PIK3CA: variants seen among roughly 807,000 people sequenced by gnomAD.
PIK3CA encodes phosphatidylinositol 4,5-bisphosphate 3-kinase catalytic subunit alpha isoform.
A neutral mutation model predicts 138.2 loss-of-function variants in PIK3CA; 27 were observed. The observed-to-expected ratio is 0.20, with a 90% CI of 0.14 to 0.27. The LOEUF is 0.27. PIK3CA is among the 10% of genes least tolerant of loss of function. The pLI is 1.00. For synonymous variants in PIK3CA, 358 were observed against 413.2 expected (o/e 0.87, Z 1.62); for missense variants, 544 against 1,277.4 (o/e 0.43, Z 8.75).
At chr3:179,192,293 G>A (rs1314484464) in intron 1 of PIK3CA, among the ~76,000 whole-genome samples, 2 of 152,216 alleles carry the variant, frequency 1.3e-5, no homozygotes, top group Non-Finnish European at 2.9e-5. Context: ...AGTATGTGAT[G>A]AGATAGAGAA....
At chr3:179,199,267 T>G (rs1375162614) in intron 2 of PIK3CA, 90 bp downstream of exon 2, 2 of 756,588 alleles carry the variant, frequency 2.6e-6, no homozygotes, top group Non-Finnish European at 4.1e-6. Flanking sequence ...AACCAATACC[T>G]TCGTAATCTT....
Position 179,210,243 on chromosome 3 carries a change from G to C in PIK3CA, c.1309G>C (p.Val437Leu), listed in dbSNP as rs772020209. 1 of 1,597,526 alleles carries C rather than the reference G, an allele frequency of 6.3e-7. No individual in the cohort carries two copies. The highest frequency in any genetic ancestry group is 1.4e-5 in the African/African-American group (1 of 73,792). The change falls in exon 8 of 21, where the codon GTA becomes CTA. Residue 437 changes from valine to leucine, a missense_variant. Around this residue, in one of 14 missense-constraint regions of PIK3CA, gnomAD observed 234 missense variants for 401.3 expected, o/e 0.58. Transcript: ENST00000263967. ...CTTGTTTGATTACACAGACACTCTA[G>C]TATCTGGAAAAATGGCTTTGAATCT... ...INLFDYTDTL[V>L]SGKMALNLWP...
At chr3:179,204,775 G>A (rs565480400) in intron 6 of PIK3CA, among the ~76,000 whole-genome samples, 187 bp downstream of exon 6, 4 of 151,594 alleles carry the variant, frequency 2.6e-5, no homozygotes, top group Admixed American at 2.6e-4. Flanking sequence ...TAATCCCAGC[G>A]CTTTGGGAGG....
At chr3:179,201,644 C>T (rs1289386950) in intron 4 of PIK3CA, 104 bp downstream of exon 4, 15 of 768,122 alleles carry the variant, frequency 2.0e-5, no homozygotes, top group South Asian at 1.0e-4. Context: ...ATCTCACTCT[C>T]GCCCAGGCTG....
chr3:179,160,827 A>G (rs528281566), intron 1 of PIK3CA, among the ~76,000 whole-genome samples: 6 of 152,236 alleles, frequency 3.9e-5, no homozygotes, highest in Non-Finnish European at 5.9e-5. Flanking sequence ...CTGTACAATC[A>G]TAGACTCTGT....
chr3:179,149,611 C>CA (rs1405531594), intron 1 of PIK3CA: 3 of 152,202 alleles, frequency 2.0e-5, no homozygotes, highest in African/African-American at 7.2e-5. Flanking sequence ...GGTGAAGCTT[C>CA]CTCATTCCAG....
intron 1 of PIK3CA, among the ~76,000 whole-genome samples, chr3:179,155,514 G>C (rs1273871963): frequency 1.3e-5 from 2 of 151,724 alleles, no homozygotes; most frequent in African/African-American, 4.8e-5. Context: ...AGTTATTTCT[G>C]TACTATGCAT....
At position 179,229,436 on chromosome 3, in the gene PIK3CA, G is replaced by A; in HGVS notation, c.2660G>A (p.Gly887Glu). Residue 887 changes from glycine (G) to glutamate (E), a missense_variant, in exon 18 of 21, where the codon GGA becomes GAA. Around this residue, in one of 14 missense-constraint regions of PIK3CA, gnomAD observed 72 missense variants for 271.8 expected, o/e 0.26. Transcript: ENST00000263967. ...LHQWLKDKNK[G>E]EIYDAAIDLF... ...CAGTGGCTCAAAGACAAGAACAAAG[G>A]AGAAATGTGAGTTGTATTATTCTTT... is the stretch of plus-strand genomic sequence containing the variant. 1 of 1,609,364 alleles carries A rather than the reference G, an allele frequency of 6.2e-7. No individual in the cohort carries two copies. Among genetic ancestry groups the A allele is most frequent in the Non-Finnish European group, 8.5e-7 (1 of 1,178,106 alleles).
At chr3:179,160,781 T>C (rs1229664346) in intron 1 of PIK3CA, among the ~76,000 whole-genome samples, 10 of 152,170 alleles carry the variant, frequency 6.6e-5, no homozygotes, top group Admixed American at 6.6e-4. Flanking sequence ...TTATACTTTA[T>C]GGATGACTTG....
rs753674566 is a variant in PIK3CA at position 179,239,035 on chromosome 3, G to A, written c.*4671G>A. The A allele has an allele frequency of 3.4e-4, 74 of 216,960 alleles. No individual in the cohort carries two copies. Among genetic ancestry groups the A allele is most frequent in the Non-Finnish European group, 6.6e-4 (71 of 108,050 alleles). The allele number at this position is 216,960 out of a possible 1,614,324, so 13.4% of individuals were successfully genotyped here. On this transcript the variant is annotated 3_prime_UTR_variant, in exon 21 of 21. Coordinates refer to ENST00000263967, the MANE Select transcript of PIK3CA (RefSeq NM_006218.4). ...TGCTAGTTAGCATAAAGTGACAGGT[G>A]TGAGCCATGAGGAAATTTTCTGACT...
intron 1 of PIK3CA, among the ~76,000 whole-genome samples, chr3:179,159,381 G>C (rs1723219244): frequency 6.6e-6 from 1 of 152,166 alleles, no homozygotes; most frequent in Admixed American, 6.5e-5. Flanking sequence ...AAGAGTTACA[G>C]CTGAAACCCA....
At chr3:179,178,889 G>A (rs549912212) in intron 1 of PIK3CA, among the ~76,000 whole-genome samples, 79 of 152,304 alleles carry the variant, frequency 5.2e-4, no homozygotes, top group Non-Finnish European at 8.5e-4. Flanking sequence ...AGGGAAGTTC[G>A]CTACAGATTC....
intron 15 of PIK3CA, among the ~76,000 whole-genome samples, 157 bp from the exon 16 acceptor site, chr3:179,224,543 C>A: frequency 6.6e-6 from 1 of 151,930 alleles, no homozygotes; most frequent in South Asian, 2.1e-4. Flanking sequence ...TTTTTTTATA[C>A]TCTTTAGGAA....
In PIK3CA at chr3:179,230,374, G is replaced by A. The variant is rs755480867; in HGVS notation, c.2934G>A (p.Glu978=). The A allele has an allele frequency of 6.3e-7, 1 of 1,593,758 alleles. No homozygotes were observed. The highest frequency in any genetic ancestry group is 1.1e-5 in the South Asian group (1 of 87,180). Residue 978 remains glutamate, a splice_region_variant and synonymous_variant, in exon 20 of 21, where the codon GAG becomes GAA. Transcript: ENST00000263967. The surrounding 1 kb of genome is among the most constrained non-coding windows in gnomAD (Gnocchi z 5.4). ...AQECTKTREF[E]RFQEMCYKAY... is the part of the protein sequence containing the mutation. ...AATGCACAAAGACAAGAGAATTTGA[G>A]AGGTGAGCTCGAGCAATTAAAAACA...
At position 179,231,495 on chromosome 3, in the gene PIK3CA, G is replaced by A. The variant is rs1725209827; in HGVS notation, c.2936+1119G>A. On this transcript the variant is annotated intron_variant, in intron 20 of 20. Coordinates refer to ENST00000263967, the MANE Select transcript of PIK3CA (RefSeq NM_006218.4). ...TGACTTTTTAATTATGGCCATTCTT[G>A]CAGGAGTAAGGTGGTATCTCATTGT... Among the ~76,000 whole-genome samples, 3 of 151,830 alleles carry A rather than the reference G, an allele frequency of 2.0e-5. No homozygotes were observed. In the South Asian group the frequency reaches 6.2e-4, roughly 32 times the overall value.
rs2108390158 is a variant in PIK3CA at position 179,201,524 on chromosome 3, C to A, written c.797C>A (p.Pro266His). 6.2e-7 allele frequency: 1 copy of A among 1,601,414 alleles called. No homozygotes were observed. Among genetic ancestry groups the A allele is most frequent in the Non-Finnish European group, 8.6e-7 (1 of 1,169,040 alleles). ...GATGAATACTTCCTAGAAAAATATC[C>A]TCTGAGTCAGTATAAGGTGAGTAAC... ...GCDEYFLEKY[P>H]LSQYKYIRSC... Residue 266 changes from proline to histidine, a missense_variant, in exon 4 of 21, where the codon CCT (proline) becomes CAT (histidine). By Grantham distance (77) the Pro-to-His change is moderately conservative. Around this residue, in one of 14 missense-constraint regions of PIK3CA, gnomAD observed 234 missense variants for 401.3 expected, o/e 0.58. Coordinates refer to ENST00000263967, the MANE Select transcript of PIK3CA (RefSeq NM_006218.4).
chr3:179,195,932 A>G (rs759227804), intron 1 of PIK3CA, among the ~76,000 whole-genome samples: 8 of 152,202 alleles, frequency 5.3e-5, no homozygotes, highest in Non-Finnish European at 1.2e-4. Flanking sequence ...ACCATCTGAC[A>G]AATAAAAAAG....
intron 1 of PIK3CA, among the ~76,000 whole-genome samples, chr3:179,161,635 T>G: frequency 6.6e-6 from 1 of 152,174 alleles, no homozygotes; most frequent in East Asian, 1.9e-4. Context: ...AGTTGGAGGT[T>G]GCGGTGAGCT....
chr3:179,148,545 C>G lies in PIK3CA; in HGVS notation c.-135C>G, dbSNP rs1722915707. On this transcript the variant is annotated 5_prime_UTR_variant, in exon 1 of 21. Coordinates refer to ENST00000263967, the MANE Select transcript of PIK3CA (RefSeq NM_006218.4). The stretch of plus-strand genomic sequence containing the variant: ...TCCTCTCCCTCGGCGCCGCCGCCGC[C>G]GCCCGCGGGGCTGGGACCCGATGCG... 1 of 152,258 alleles carries G rather than the reference C, an allele frequency of 6.6e-6. No homozygotes were observed. Among genetic ancestry groups the G allele is most frequent in the African/African-American group, 2.4e-5 (1 of 41,366 alleles). The allele number at this position is 152,258 out of a possible 1,614,324, so 9.4% of individuals were successfully genotyped here.
Sources: allele counts gnomAD v4.1 joint callset (sites outside exome capture counted in the v4.1 genomes callset), GRCh38; gene constraint gnomAD v4.1.1; regional missense constraint gnomAD v4.1.1; non-coding constraint Gnocchi (gnomAD v3.1); transcripts MANE v1.5; gene names NCBI Gene and HGNC (gene_info 2026-07-23, HGNC 2026-07-21).